The following AHR variants were observed in gnomAD, a reference collection of about 807,000 sequenced individuals.
AHR encodes AH-receptor.
Under a neutral mutation model 86.8 loss-of-function variants are expected in AHR, and 40 were observed. The ratio of observed to expected loss-of-function variants is 0.46; its 90% CI spans 0.36 to 0.60. The LOEUF is 0.60. Among genes scored for constraint, AHR ranks in the 20% least tolerant of loss-of-function variants. The pLI, the probability that AHR is intolerant of heterozygous loss-of-function variation, is 0.00. For synonymous variants in AHR, 398 were observed against 354.9 expected (o/e 1.12, Z -1.37); for missense variants, 1,001 against 1,011.6 (o/e 0.99, Z 0.14).
chr7:17,334,016 T>C lies in AHR; in HGVS notation c.810T>C (p.Thr270=), dbSNP rs2115366351. The C allele has an allele frequency of 6.2e-7, 1 of 1,613,550 alleles. No homozygotes were observed. Among genetic ancestry groups the C allele is most frequent in the East Asian group, 2.2e-5 (1 of 44,858 alleles). ...AGTTGGCTTTGTTTGCGATAGCTAC[T>C]CCACTTCAGCCACCATCCATACTTG... ...PPQLALFAIA[T]PLQPPSILEI... is the part of the protein sequence containing the mutation. Residue 270 remains threonine (T), a synonymous_variant, in exon 7 of 11, where the codon ACT becomes ACC. Transcript: ENST00000242057.
chr7:17,326,097 T>C (rs1338261544), intron 3 of AHR, among the ~76,000 whole-genome samples: 1 of 152,212 alleles, frequency 6.6e-6, no homozygotes, highest in African/African-American at 2.4e-5. Flanking sequence ...TATGTGACCT[T>C]GGGCAAGTTA....
intron 1 of AHR, among the ~76,000 whole-genome samples, chr7:17,302,940 C>G (rs989320375): frequency 6.6e-6 from 1 of 151,862 alleles, no homozygotes; most frequent in Non-Finnish European, 1.5e-5. Context: ...AGGCAGTATA[C>G]GATTATGTTC....
At chr7:17,335,591 C>G (rs962627919) in intron 8 of AHR, 54 bp from the exon 9 acceptor site, 2 of 1,436,842 alleles carry the variant, frequency 1.4e-6, no homozygotes, top group African/African-American at 1.4e-5. Context: ...TAGGAATAAT[C>G]TTTACTATAT....
intron 4 of AHR, 135 bp from the exon 5 acceptor site, chr7:17,329,817 G>A (rs1782266755): frequency 2.7e-6 from 2 of 744,784 alleles, no homozygotes; most frequent in African/African-American, 1.8e-5. Flanking sequence ...AGGTGACTAG[G>A]GAATTTTAGG....
chr7:17,330,973 G>A, intron 6 of AHR, 87 bp downstream of exon 6: 3 of 1,419,842 alleles, frequency 2.1e-6, no homozygotes, highest in Admixed American at 2.0e-5. Context: ...ATATAATTCA[G>A]CAGAGAACTA....
rs1353531754 is a variant in AHR, at chr7:17,340,067, C to T, written c.2242C>T (p.Gln748Ter). Reference sequence around the variant, plus strand: ...CACTTGTTTACAACTTCCTGAAAACCAAAAGCATGGATTAAATCCACAGTC... The same window carrying T: ...CACTTGTTTACAACTTCCTGAAAACTAAAAGCATGGATTAAATCCACAGTC... ...FVTCLQLPEN[Q>*]KHGLNPQSAI... Residue 748 changes from glutamine (Q) to a stop codon, truncating the protein, a stop_gained, in exon 10 of 11, where the codon CAA (glutamine) becomes TAA (stop). Transcript: ENST00000242057. LOFTEE classifies it high-confidence loss of function. The T allele has an allele frequency of 6.2e-7, 1 of 1,614,000 alleles. No individual in the cohort carries two copies. The highest frequency in any genetic ancestry group is 2.2e-5 in the East Asian group (1 of 44,896).
chr7:17,315,092 C>T (rs948066651), intron 2 of AHR, among the ~76,000 whole-genome samples: 1 of 151,758 alleles, frequency 6.6e-6, no homozygotes, highest in African/African-American at 2.4e-5. Flanking sequence ...CTATATAAAC[C>T]TAGGTTCTTT....
intron 1 of AHR, among the ~76,000 whole-genome samples, chr7:17,304,413 T>C (rs78698974): frequency 1.3e-5 from 2 of 152,174 alleles, no homozygotes; most frequent in Non-Finnish European, 2.9e-5. Flanking sequence ...TATGCTATTA[T>C]TGATTTCTTT....
intron 1 of AHR, 32 bp from the exon 2 acceptor site, chr7:17,309,904 G>T (rs1461104525): frequency 6.7e-7 from 1 of 1,486,792 alleles, no homozygotes. Context: ...ATTTTTTAAA[G>T]GATTTTTTAT....
chr7:17,339,364 A>G lies in AHR; in HGVS notation c.1539A>G (p.Gln513=). Residue 513 remains glutamine (Q), a synonymous_variant, in exon 10 of 11, where the codon CAA becomes CAG. Coordinates refer to ENST00000242057, the MANE Select transcript of AHR (RefSeq NM_001621.5). ...MGNDTILKHE[Q]IDQPQDVNSF... ...ATGATACTATCCTGAAACATGAGCA[A>G]ATTGACCAGCCTCAGGATGTGAACT... 6.2e-7 allele frequency: 1 copy of G among 1,614,216 alleles called. No homozygotes were observed. The highest frequency in any genetic ancestry group is 8.5e-7 in the Non-Finnish European group (1 of 1,180,036).
chr7:17,316,268 C>A (rs529939458), intron 2 of AHR, among the ~76,000 whole-genome samples: 2 of 152,252 alleles, frequency 1.3e-5, no homozygotes, highest in Admixed American at 1.3e-4. Context: ...GATTTCTGTT[C>A]CTTGTTTGTC....
chr7:17,343,352 T>A lies in AHR; in HGVS notation c.*288T>A. The A allele has an allele frequency of 3.2e-6, 1 of 315,348 alleles. No individual in the cohort carries two copies. The allele number at this position is 315,348 out of a possible 1,614,324, so 19.5% of individuals were successfully genotyped here. ...CTGGGCACCACAAAATATACAAAAC[T>A]TTATCAGGGAAACTAAGATTCTTTT... On this transcript the variant is annotated 3_prime_UTR_variant, in exon 11 of 11. Coordinates refer to ENST00000242057, the MANE Select transcript of AHR (RefSeq NM_001621.5).
chr7:17,343,073 C>G lies in AHR; in HGVS notation c.*9C>G. The G allele has an allele frequency of 1.2e-6, 2 of 1,613,198 alleles. No individual in the cohort carries two copies. The highest frequency in any genetic ancestry group is 1.7e-6 in the Non-Finnish European group (2 of 1,179,576). ...CCAGTGGATTCCTGTAATTCCAAGC[C>G]CAATTTTGACCCTGGTTTTTGGATT... On this transcript the variant is annotated 3_prime_UTR_variant, in exon 11 of 11. Coordinates refer to ENST00000242057, the MANE Select transcript of AHR (RefSeq NM_001621.5).
intron 6 of AHR, among the ~76,000 whole-genome samples, chr7:17,332,502 T>C (rs961956187): frequency 6.6e-6 from 1 of 151,762 alleles, no homozygotes; most frequent in African/African-American, 2.4e-5. Flanking sequence ...ATCCTCACCC[T>C]GTACAGACCT....
At chr7:17,314,526 C>T (rs958305182) in intron 2 of AHR, among the ~76,000 whole-genome samples, 1 of 152,006 alleles carries the variant, frequency 6.6e-6, no homozygotes, top group Non-Finnish European at 1.5e-5. Flanking sequence ...TTTAACAGTT[C>T]ATTCCCAGTT....
rs1174849101 is a variant in AHR, at chr7:17,343,976, A to G, written c.*912A>G. 1 of 152,700 alleles carries G rather than the reference A, an allele frequency of 6.5e-6. No homozygotes were observed. Among genetic ancestry groups the G allele is most frequent in the African/African-American group, 2.4e-5 (1 of 41,474 alleles). The allele number at this position is 152,700 out of a possible 1,614,324, so 9.5% of individuals were successfully genotyped here. A position where few individuals can be genotyped will look rare whatever the true frequency, so the allele number is the denominator to read the frequency against. On this transcript the variant is annotated 3_prime_UTR_variant, in exon 11 of 11. Transcript: ENST00000242057. ...TTCCTCAACAGTGTTTTCAGAAGAAATAAATATACCACTCTTTACCTTTAT... is the reference window on the plus strand; with the variant it reads ...TTCCTCAACAGTGTTTTCAGAAGAAGTAAATATACCACTCTTTACCTTTAT...
chr7:17,314,487 T>C (rs1782096332), intron 2 of AHR, among the ~76,000 whole-genome samples: 1 of 152,086 alleles, frequency 6.6e-6, no homozygotes, highest in Admixed American at 6.6e-5. Context: ...TTACAAGTGC[T>C]CTGTTCTTGG....
chr7:17,320,603 T>C (rs912509431), intron 2 of AHR, among the ~76,000 whole-genome samples: 9 of 152,136 alleles, frequency 5.9e-5, no homozygotes, highest in Non-Finnish European at 7.4e-5. Flanking sequence ...ATACCAGAGC[T>C]TTTAGAAAAG....
At chr7:17,317,409 T>C (rs1463407930) in intron 2 of AHR, among the ~76,000 whole-genome samples, 2 of 152,112 alleles carry the variant, frequency 1.3e-5, no homozygotes, top group Non-Finnish European at 2.9e-5. Flanking sequence ...TTGGGATACA[T>C]GTCAAATTTT....
Sources: gnomAD v4.1 joint callset for allele counts (sites outside exome capture counted in the v4.1 genomes callset) on GRCh38, gnomAD v4.1.1 for gene constraint, MANE v1.5 for transcripts, NCBI Gene and HGNC (gene_info 2026-07-23, HGNC 2026-07-21) for gene names.